MMS22L: variants seen among roughly 807,000 people sequenced by gnomAD.
MMS22L encodes MMS22 like, DNA repair protein.
MMS22L carries 74 observed loss-of-function variants against 159.1 expected under a neutral mutation model. The ratio of observed to expected loss-of-function variants is 0.47; its 90% CI spans 0.39 to 0.56. The LOEUF (loss-of-function observed/expected upper bound fraction) is 0.56, where lower values mean the gene tolerates loss of function less well. MMS22L is among the 20% of genes least tolerant of loss of function. MMS22L has a pLI of 0.00. For missense variants in MMS22L, 1,351 were observed against 1,422.1 expected (o/e 0.95, Z 0.80); for synonymous variants, 517 against 506.9 (o/e 1.02, Z -0.27).
chr6:97,182,498 A>G (rs564305340), intron 15 of MMS22L, among the ~76,000 whole-genome samples: 2 of 152,242 alleles, frequency 1.3e-5, no homozygotes, highest in East Asian at 3.9e-4. Flanking sequence ...TTAAACAGAG[A>G]TCTCCTACAA....
chr6:97,275,087 G>C (rs1266450558), intron 4 of MMS22L, among the ~76,000 whole-genome samples: 1 of 151,990 alleles, frequency 6.6e-6, no homozygotes, highest in African/African-American at 2.4e-5. Context: ...TCTAGTTTAA[G>C]GAATAAAAAT....
chr6:97,178,558 T>A lies in MMS22L; in HGVS notation c.2564A>T (p.Lys855Ile), dbSNP rs755554394. 1 of 1,550,342 alleles carries A rather than the reference T, an allele frequency of 6.5e-7. No individual in the cohort carries two copies. The highest frequency in any genetic ancestry group is 8.8e-7 in the Non-Finnish European group (1 of 1,134,460). ...GAGATTAAATAGTAATCTTGTCAGT[T>A]TGACCAACTGTTTCATGTACTCTTT... Reference protein sequence around the residue: ...VEKEYMKQLVKLTRLLFNLSE... With the variant: ...VEKEYMKQLVILTRLLFNLSE... Residue 855 changes from lysine (K) to isoleucine (I), a missense_variant, in exon 18 of 25, where the codon AAA (lysine) becomes ATA (isoleucine). Physicochemically the swap from Lys to Ile is moderately radical, Grantham distance 102 (BLOSUM62 -3). Transcript: ENST00000683635.
At chr6:97,212,455 T>C (rs1808490774) in intron 14 of MMS22L, among the ~76,000 whole-genome samples, 1 of 152,164 alleles carries the variant, frequency 6.6e-6, no homozygotes, top group Admixed American at 6.5e-5. Flanking sequence ...TAATTTAGAA[T>C]GGAAAACTCT....
chr6:97,152,105 G>A (rs1422124104), intron 22 of MMS22L, among the ~76,000 whole-genome samples: 1 of 151,922 alleles, frequency 6.6e-6, no homozygotes, highest in Non-Finnish European at 1.5e-5. Context: ...AATAATACAT[G>A]AAGACCTATT....
chr6:97,194,324 G>A (rs555368914), intron 14 of MMS22L, among the ~76,000 whole-genome samples: 2 of 152,240 alleles, frequency 1.3e-5, no homozygotes, highest in South Asian at 4.1e-4. Context: ...CCAAAGTGCT[G>A]GGATTCTAGG....
chr6:97,224,300 G>A (rs939488154), intron 14 of MMS22L, among the ~76,000 whole-genome samples: 6 of 151,854 alleles, frequency 4.0e-5, no homozygotes, highest in Admixed American at 6.6e-5. Context: ...TCTGAATAGT[G>A]TCCCACAGAC....
intron 14 of MMS22L, among the ~76,000 whole-genome samples, chr6:97,225,586 C>CTTTTTTTTTTTTTTT (rs1810148226): frequency 7.3e-6 from 1 of 136,612 alleles, no homozygotes; most frequent in African/African-American, 2.7e-5. Context: ...TTTTTTTTTT[C>CTTTTTTTTTTTTTTT]TTTTGAGACC....
chr6:97,183,001 G>C (rs971956788), intron 15 of MMS22L, among the ~76,000 whole-genome samples: 2 of 151,836 alleles, frequency 1.3e-5, no homozygotes, highest in Non-Finnish European at 2.9e-5. Context: ...TTGATTTCTT[G>C]AACTCCTCTG....
intron 14 of MMS22L, among the ~76,000 whole-genome samples, chr6:97,198,958 G>A (rs894092218): frequency 6.6e-6 from 1 of 152,030 alleles, no homozygotes; most frequent in Non-Finnish European, 1.5e-5. Flanking sequence ...TTCCCTAGAT[G>A]TAAGGTATTA....
At chr6:97,197,335 T>C (rs1181287258) in intron 14 of MMS22L, among the ~76,000 whole-genome samples, 1 of 152,182 alleles carries the variant, frequency 6.6e-6, no homozygotes, top group Non-Finnish European at 1.5e-5. Flanking sequence ...ATAGCAAGTG[T>C]GTGGGTACAA....
intron 16 of MMS22L, among the ~76,000 whole-genome samples, chr6:97,181,600 A>C (rs1804714894): frequency 6.6e-6 from 1 of 152,148 alleles, no homozygotes; most frequent in Non-Finnish European, 1.5e-5. Context: ...ATAAATGTGT[A>C]ATTTCTTTCA....
In MMS22L at chr6:97,233,921, A is replaced by C; in HGVS notation, c.1242T>G (p.Asp414Glu). 1 of 1,612,526 alleles carries C rather than the reference A, an allele frequency of 6.2e-7. No homozygotes were observed. The highest frequency in any genetic ancestry group is 8.5e-7 in the Non-Finnish European group (1 of 1,179,212). The change falls in exon 12 of 25, where the codon GAT (aspartate) becomes GAG (glutamate). Residue 414 changes from aspartate (D) to glutamate (E), a missense_variant. By Grantham distance (45) the Asp-to-Glu change is conservative (BLOSUM62 2). Coordinates refer to ENST00000683635, the MANE Select transcript of MMS22L (RefSeq NM_001350599.2). The stretch of plus-strand genomic sequence containing the variant: ...CAATTGCAATGTTTGGCTCCCAGAA[A>C]TCACAAAGTGTCAAACAACAGTGAA... Reference protein sequence around the residue: ...MYLHCCLTLCDFWEPNIAIVT... With the variant: ...MYLHCCLTLCEFWEPNIAIVT...
At chr6:97,213,643 C>A (rs1347184451) in intron 14 of MMS22L, among the ~76,000 whole-genome samples, 3 of 152,066 alleles carry the variant, frequency 2.0e-5, no homozygotes, top group East Asian at 3.9e-4. Flanking sequence ...TATTTACATT[C>A]TTTGCAAGAT....
At chr6:97,194,270 A>T (rs1806229297) in intron 14 of MMS22L, among the ~76,000 whole-genome samples, 1 of 151,128 alleles carries the variant, frequency 6.6e-6, no homozygotes, top group Non-Finnish European at 1.5e-5. Context: ...GTTGGCCACG[A>T]TGGTCTTGAT....
intron 14 of MMS22L, among the ~76,000 whole-genome samples, chr6:97,203,128 T>C (rs1807359470): frequency 1.3e-5 from 2 of 152,206 alleles, no homozygotes; most frequent in African/African-American, 4.8e-5. Context: ...TTGGAATGCC[T>C]AGCAAGATCT....
intron 20 of MMS22L, among the ~76,000 whole-genome samples, chr6:97,167,782 T>C (rs1803117387): frequency 6.6e-6 from 1 of 151,718 alleles, no homozygotes; most frequent in Non-Finnish European, 1.5e-5. Context: ...CTCTTATATC[T>C]CCTCACCCAT....
At chr6:97,267,642 TAA>T (rs58513290) in intron 8 of MMS22L, 14,399 of 190,558 alleles carry the variant, frequency 0.076, 337 homozygotes, top group African/African-American at 0.13. Flanking sequence ...CTATTTTTCT[TAA>T]AAAAAAAAAA....
At chr6:97,223,272 C>T (rs7745889) in intron 14 of MMS22L, among the ~76,000 whole-genome samples, 12,875 of 151,998 alleles carry the variant, frequency 0.085, 1,028 homozygotes, top group African/African-American at 0.21. Flanking sequence ...ACACTTTATA[C>T]ACACATTTTT....
At chr6:97,148,911 C>T (rs1411551359) in intron 24 of MMS22L, among the ~76,000 whole-genome samples, 1 of 151,798 alleles carries the variant, frequency 6.6e-6, no homozygotes, top group Non-Finnish European at 1.5e-5. Flanking sequence ...CGGTAAGTGC[C>T]CTATATAGGT....
Sources: allele counts gnomAD v4.1 joint callset (sites outside exome capture counted in the v4.1 genomes callset), GRCh38; gene constraint gnomAD v4.1.1; transcripts MANE v1.5; gene names NCBI Gene and HGNC (gene_info 2026-07-23, HGNC 2026-07-21).